Variants in CLEC4A observed in about 807,000 individuals in gnomAD.
CLEC4A encodes C-type (calcium dependent, carbohydrate-recognition domain) lectin, superfamily member 6.
CLEC4A carries 27 observed loss-of-function variants against 32.7 expected under a neutral mutation model. The ratio of observed to expected loss-of-function variants is 0.83; its 90% confidence interval spans 0.61 to 1.14. The LOEUF is 1.14. CLEC4A is among the 50% of genes most tolerant of loss of function. The probability of loss-of-function intolerance (pLI) is 0.00; values close to 1 mark genes in which losing one functional copy is unlikely to be tolerated. For synonymous variants in CLEC4A, 89 were observed against 93.7 expected, an observed-to-expected ratio of 0.95 and a Z score of 0.29; for missense variants, 253 against 274.6, an observed-to-expected ratio of 0.92 and a Z score of 0.55.
the CLEC4A span, among the ~76,000 whole-genome samples, chr12:8,108,692 T>C: frequency 6.6e-6 from 1 of 152,222 alleles, no homozygotes; most frequent in African/African-American, 2.4e-5. Flanking sequence ...TTCAAAGACC[T>C]ACAATACAGG....
the CLEC4A span, among the ~76,000 whole-genome samples, chr12:8,110,082 T>C: frequency 6.6e-6 from 1 of 152,172 alleles, no homozygotes; most frequent in African/African-American, 2.4e-5. Flanking sequence ...GTATATACCT[T>C]TTCACATAAG....
At chr12:8,126,633 C>T (rs1223398342) in intron 2 of CLEC4A, among the ~76,000 whole-genome samples, 2 of 152,130 alleles carry the variant, frequency 1.3e-5, no homozygotes, top group Admixed American at 1.3e-4. Flanking sequence ...CTGTGCCAGA[C>T]AGAGAGTCAA....
rs758914176 is a variant in CLEC4A at position 8,123,958 on chromosome 12, C to G, written c.80C>G (p.Ala27Gly). ...KSSGINTASS[A>G]ASKERTAPHK... ...TCAGGCATCAACACAGCCTCTTCTG[C>G]AGGTAAAGATCATTTTCTAGGGGTC... The change falls in exon 1 of 6, where the codon GCA becomes GGA. Residue 27 changes from alanine (A) to glycine (G), a missense_variant and splice_region_variant. Coordinates refer to ENST00000229332, the MANE Select transcript of CLEC4A (RefSeq NM_016184.4). 10 of 1,597,572 alleles carry G rather than the reference C, an allele frequency of 6.3e-6. No individual in the cohort carries two copies. The South Asian group carries it at 1.1e-4, about 18-fold the overall frequency.
rs771647674 is a variant in CLEC4A at position 8,123,868 on chromosome 12, C to G, written c.-11C>G. ...AGATTTTCTGAAGAAAGCAGAAGCT[C>G]TCTTCCCATTATGACTTCGGAAATC... On this transcript the variant is annotated 5_prime_UTR_variant, in exon 1 of 6. Coordinates refer to ENST00000229332, the MANE Select transcript of CLEC4A (RefSeq NM_016184.4). 3 of 1,582,066 alleles carry G rather than the reference C, an allele frequency of 1.9e-6. No homozygotes were observed. Among genetic ancestry groups the G allele is most frequent in the East Asian group, 2.2e-5 (1 of 44,740 alleles).
Position 8,138,504 on chromosome 12 carries a change from G to A in CLEC4A, c.*217G>A, listed in dbSNP as rs760476280. ...TTTTTCATGTGCCAGAGCCTGTACT[G>A]GAGGCCCCCATTGTGCACACATGGA... On this transcript the variant is annotated 3_prime_UTR_variant, in exon 6 of 6. Coordinates refer to ENST00000229332, the MANE Select transcript of CLEC4A (RefSeq NM_016184.4). The A allele has an allele frequency of 2.0e-4, 100 of 502,194 alleles. No individual in the cohort carries two copies. Among genetic ancestry groups the A allele is most frequent in the Non-Finnish European group, 3.2e-4 (91 of 287,904 alleles). The allele number at this position is 502,194 out of a possible 1,614,324, so 31.1% of individuals were successfully genotyped here.
chr12:8,133,409 A>G (rs1481985545), intron 3 of CLEC4A, among the ~76,000 whole-genome samples: 2 of 151,814 alleles, frequency 1.3e-5, no homozygotes, highest in East Asian at 1.9e-4. Context: ...TTGTCTTCCA[A>G]TTCACTAATC....
Position 8,138,473 on chromosome 12 carries a change from GA to G in CLEC4A, c.*187del. ...CTTTTTCATAAAGTGAGCATTTATT[GA>G]GCATTTTTTCATGTGCCAGAGCCTG... On this transcript the variant is annotated 3_prime_UTR_variant, in exon 6 of 6. Coordinates refer to ENST00000229332, the MANE Select transcript of CLEC4A (RefSeq NM_016184.4). The G allele has an allele frequency of 1.5e-6, 1 of 677,064 alleles. No individual in the cohort carries two copies. The allele number at this position is 677,064 out of a possible 1,614,324, so 41.9% of individuals were successfully genotyped here. A position where few individuals can be genotyped will look rare whatever the true frequency, so the allele number is the denominator to read the frequency against.
In CLEC4A at chr12:8,132,126, G is replaced by A. The variant is rs140687168; in HGVS notation, c.298+2764G>A. On this transcript the variant is annotated intron_variant, in intron 3 of 5. Transcript: ENST00000229332. ...TTTTGTAGTTCCAGCTTTGGACATT[G>A]GGAACTTTTTCATTTGACTCCTGTG... Among the ~76,000 whole-genome samples, 676 of 152,236 alleles carry A rather than the reference G, an allele frequency of 4.4e-3. 5 individuals carry two copies. The highest frequency in any genetic ancestry group is 0.01 in the Middle Eastern group (3 of 294).
the CLEC4A span, among the ~76,000 whole-genome samples, chr12:8,111,178 C>CT: frequency 0.23 from 22,926 of 100,162 alleles, 2,829 homozygotes; most frequent in East Asian, 0.39. Flanking sequence ...GGCCCAACAT[C>CT]TTTTTTTTTT....
At chr12:8,121,195 ATTC>A (rs1343106224), upstream of CLEC4A, 1 of 152,230 alleles carries the variant, frequency 6.6e-6, no homozygotes, top group Non-Finnish European at 1.5e-5. Context: ...AATGTGACTT[ATTC>A]CAGGGAGAGA....
At chr12:8,111,695 T>C in the CLEC4A span, among the ~76,000 whole-genome samples, 3 of 152,190 alleles carry the variant, frequency 2.0e-5, no homozygotes, top group African/African-American at 4.8e-5. Context: ...TACCGTAATA[T>C]ATTTAACCAC....
At chr12:8,111,963 G>GTGTATATATA in the CLEC4A span, among the ~76,000 whole-genome samples, 12 of 142,704 alleles carry the variant, frequency 8.4e-5, no homozygotes, top group African/African-American at 3.0e-4. Context: ...GTGTGTGTGT[G>GTGTATATATA]TATTTTATTT....
In CLEC4A at chr12:8,134,979, G is replaced by GTTTTTGTT. The variant is rs1948073970; in HGVS notation, c.299-601_299-600insGTTTTTTT. ...TGTATCTTCTTGTTGAAGCGTTTTTGTTTTTTGTTTTTTTTTAATCATGGC... is the reference window on the plus strand; with the variant it reads ...TGTATCTTCTTGTTGAAGCGTTTTTGTTTTTGTTTTTTTTGTTTTTTTTTAATCATGGC... On this transcript the variant is annotated intron_variant, in intron 3 of 5. Coordinates refer to ENST00000229332, the MANE Select transcript of CLEC4A (RefSeq NM_016184.4). 5.4e-5 allele frequency: 9 copies of GTTTTTGTT among 166,024 alleles called. 1 individual carries two copies. The highest frequency in any genetic ancestry group is 4.9e-4 in the East Asian group (3 of 6,098). The allele number at this position is 166,024 out of a possible 1,614,324, so 10.3% of individuals were successfully genotyped here. A position where few individuals can be genotyped will look rare whatever the true frequency, so the allele number is the denominator to read the frequency against.
the CLEC4A span, among the ~76,000 whole-genome samples, chr12:8,112,398 A>T: frequency 6.6e-6 from 1 of 152,150 alleles, no homozygotes; most frequent in Admixed American, 6.6e-5. Flanking sequence ...TAAAATTTTG[A>T]TAGATTTATT....
intron 3 of CLEC4A, chr12:8,134,971 G>A: frequency 4.3e-6 from 1 of 232,670 alleles, no homozygotes; most frequent in South Asian, 2.5e-4. Context: ...TCTTGTTGAA[G>A]CGTTTTTGTT....
chr12:8,129,149 T>G lies in CLEC4A; in HGVS notation c.200-115T>G, dbSNP rs1947950197. On this transcript the variant is annotated intron_variant, in intron 2 of 5. Coordinates refer to ENST00000229332, the MANE Select transcript of CLEC4A (RefSeq NM_016184.4). ...AGTATGGGAAATCTTTTCCCTCTAC[T>G]CCAGTAATAGGGCATTTGTAAGTTT... The G allele has an allele frequency of 4.7e-6, 3 of 640,402 alleles. No homozygotes were observed. In the South Asian group the frequency reaches 5.9e-5, roughly 13 times the overall value. The allele number at this position is 640,402 out of a possible 1,614,324, so 39.7% of individuals were successfully genotyped here.
chr12:8,122,744 G>A (rs1227795636), upstream of CLEC4A, among the ~76,000 whole-genome samples: 1 of 152,182 alleles, frequency 6.6e-6, no homozygotes, highest in Non-Finnish European at 1.5e-5. Context: ...ATTGGAATTA[G>A]AGGAATTAGT....
intron 2 of CLEC4A, among the ~76,000 whole-genome samples, chr12:8,128,134 G>T (rs921385092): frequency 6.6e-6 from 1 of 152,168 alleles, no homozygotes; most frequent in East Asian, 1.9e-4. Context: ...TTTTAAAAGA[G>T]GTGGATGGAG....
chr12:8,131,731 T>A (rs933640968), intron 3 of CLEC4A, among the ~76,000 whole-genome samples: 1 of 152,092 alleles, frequency 6.6e-6, no homozygotes, highest in African/African-American at 2.4e-5. Context: ...TTATTTGAAA[T>A]TTTGTCCAGG....
Sources: allele counts gnomAD v4.1 joint callset (sites outside exome capture counted in the v4.1 genomes callset), GRCh38; gene constraint gnomAD v4.1.1; transcripts MANE v1.5; gene names NCBI Gene and HGNC (gene_info 2026-07-23, HGNC 2026-07-21).